Variants in ANKRD30A observed in about 807,000 individuals in gnomAD.
ANKRD30A encodes the protein ankyrin repeat domain-containing protein 30A.
Under a neutral mutation model 166.3 loss-of-function variants are expected in ANKRD30A, and 170 were observed. The ratio of observed to expected loss-of-function variants is 1.02; its 90% CI spans 0.90 to 1.16. The LOEUF (loss-of-function observed/expected upper bound fraction) is 1.16, where lower values mean the gene tolerates loss of function less well. Among genes scored for constraint, ANKRD30A ranks in the 50% most tolerant of loss-of-function variants. ANKRD30A has a pLI of 0.00. For missense variants in ANKRD30A, 1,630 were observed against 1,518.0 expected (o/e 1.07, Z -1.23); for synonymous variants, 564 against 508.9 (o/e 1.11, Z -1.46).
chr10:37,149,924 T>A, intron 11 of ANKRD30A, 75 bp downstream of exon 11: 1 of 1,572,670 alleles, frequency 6.4e-7, no homozygotes, highest in Middle Eastern at 2.1e-4. Context: ...CTATCCCCAA[T>A]GCTTTATTTT....
the ANKRD30A span, among the ~76,000 whole-genome samples, chr10:37,240,022 A>G: frequency 4.6e-5 from 7 of 152,112 alleles, no homozygotes; most frequent in Non-Finnish European, 8.8e-5. Context: ...AGATTTATTA[A>G]TTGGTTTCTA....
At chr10:37,228,829 G>C (rs1025559381) in intron 34 of ANKRD30A, among the ~76,000 whole-genome samples, 1 of 151,930 alleles carries the variant, frequency 6.6e-6, no homozygotes, top group Non-Finnish European at 1.5e-5. Context: ...AATTTCTACT[G>C]TGTAAGTTTT....
rs1188242971 is a variant in ANKRD30A, at chr10:37,130,267, T to C, written c.399T>C (p.Asn133=). ...NILIDSGADI[N]LVDVYGNTAL... is the part of the protein sequence containing the mutation. ...TGATAGATTCTGGTGCCGATATAAATCTCGTAGATGTGTATGGCAACACGG... is the reference window on the plus strand; with the variant it reads ...TGATAGATTCTGGTGCCGATATAAACCTCGTAGATGTGTATGGCAACACGG... Residue 133 remains asparagine (N), a synonymous_variant, in exon 3 of 36, where the codon AAT becomes AAC. Coordinates refer to ENST00000361713, the MANE Select transcript of ANKRD30A (RefSeq NM_052997.3). The C allele has an allele frequency of 6.2e-7, 1 of 1,604,268 alleles. No individual in the cohort carries two copies. The highest frequency in any genetic ancestry group is 8.5e-7 in the Non-Finnish European group (1 of 1,175,652).
At chr10:37,150,316 G>A (rs1459643570) in intron 11 of ANKRD30A, among the ~76,000 whole-genome samples, 1 of 151,926 alleles carries the variant, frequency 6.6e-6, no homozygotes, top group African/African-American at 2.4e-5. Flanking sequence ...TGAACTCTGT[G>A]TGTTTGTGTG....
At chr10:37,126,057 G>T in intron 1 of ANKRD30A, 49 bp downstream of exon 1, 1 of 1,573,022 alleles carries the variant, frequency 6.4e-7, no homozygotes, top group South Asian at 1.1e-5. Flanking sequence ...TGGGGGCGGT[G>T]GGAGGATCGC....
chr10:37,141,980 T>G lies in ANKRD30A; in HGVS notation c.1083T>G (p.Ile361Met). The change falls in exon 7 of 36, where the codon ATT becomes ATG. Residue 361 changes from isoleucine to methionine, a missense_variant. By Grantham distance (10) the Ile-to-Met change is conservative. Coordinates refer to ENST00000361713, the MANE Select transcript of ANKRD30A (RefSeq NM_052997.3). ...EQSAEETPRE[I>M]TSPAKETSEK... ...CAGCAGAAGAAACACCTAGGGAAAT[T>G]ACGAGTCCTGCAAAAGAAACATCTG... 5.0e-6 allele frequency: 8 copies of G among 1,614,108 alleles called. No individual in the cohort carries two copies. The highest frequency in any genetic ancestry group is 5.9e-6 in the Non-Finnish European group (7 of 1,180,012).
chr10:37,193,248 T>A lies in ANKRD30A; in HGVS notation c.2604T>A (p.Thr868=). ...CCTTAGAATTGATGGACATGCAAAC[T>A]TTCAAAGCAGGTAAATTTTGTAATT... ...TKALELMDMQ[T]FKAEPPEKPS... The change falls in exon 27 of 36, where the codon ACT becomes ACA. Residue 868 remains threonine (T), a synonymous_variant. Coordinates refer to ENST00000361713, the MANE Select transcript of ANKRD30A (RefSeq NM_052997.3). 1.2e-6 allele frequency: 2 copies of A among 1,609,264 alleles called. No individual in the cohort carries two copies. Among genetic ancestry groups the A allele is most frequent in the Non-Finnish European group, 1.7e-6 (2 of 1,178,440 alleles).
chr10:37,216,415 A>G (rs751276225), intron 32 of ANKRD30A, 21 bp downstream of exon 32: 1 of 1,563,648 alleles, frequency 6.4e-7, no homozygotes, highest in South Asian at 1.2e-5. Context: ...CTAGTTTTAA[A>G]TAAATATTTC....
intron 34 of ANKRD30A, among the ~76,000 whole-genome samples, chr10:37,223,900 A>C (rs116973307): frequency 0.02 from 3,055 of 151,310 alleles, 49 homozygotes; most frequent in Non-Finnish European, 0.032. Flanking sequence ...TCAAGAAATA[A>C]AGAAAAAATG....
intron 2 of ANKRD30A, 66 bp downstream of exon 2, chr10:37,130,073 T>C: frequency 8.0e-7 from 1 of 1,249,230 alleles, no homozygotes; most frequent in South Asian, 2.9e-5. Flanking sequence ...TAAAAATGAA[T>C]TTATCTCATT....
chr10:37,220,000 TA>T, intron 34 of ANKRD30A, 103 bp downstream of exon 34: 1 of 56,224 alleles, frequency 1.8e-5, no homozygotes, highest in Non-Finnish European at 3.7e-5. Context: ...TATATATATA[TA>T]TATATATATA....
At position 37,129,975 on chromosome 10, in the gene ANKRD30A, C is replaced by G. The variant is rs377486764; in HGVS notation, c.304C>G (p.Leu102Val). 4 of 1,577,038 alleles carry G rather than the reference C, an allele frequency of 2.5e-6. No homozygotes were observed. The highest frequency in any genetic ancestry group is 1.7e-5 in the Admixed American group (1 of 57,440). ...AGACAGAAAGTGCCAGCTTGACGTC[C>G]TTGATGGCGAACACAGGACACCTCT... is the stretch of plus-strand genomic sequence containing the variant. ...LVDRKCQLDV[L>V]DGEHRTPLMK... Residue 102 changes from leucine (L) to valine (V), a missense_variant, in exon 2 of 36, where the codon CTT becomes GTT. Physicochemically the swap from Leu to Val is conservative, Grantham distance 32. Coordinates refer to ENST00000361713, the MANE Select transcript of ANKRD30A (RefSeq NM_052997.3).
chr10:37,148,891 C>T (rs191741427), intron 9 of ANKRD30A, among the ~76,000 whole-genome samples: 18 of 152,078 alleles, frequency 1.2e-4, no homozygotes, highest in Non-Finnish European at 1.8e-4. Context: ...TAAAAAAATA[C>T]TGAATTTATA....
chr10:37,208,052 G>A (rs1842084043), intron 31 of ANKRD30A, among the ~76,000 whole-genome samples: 1 of 152,040 alleles, frequency 6.6e-6, no homozygotes, highest in African/African-American at 2.4e-5. Flanking sequence ...AGGAAGACAA[G>A]AGACTGCTTT....
chr10:37,136,811 G>C, intron 6 of ANKRD30A, 140 bp downstream of exon 6: 1 of 327,660 alleles, frequency 3.1e-6, no homozygotes, highest in Non-Finnish European at 5.7e-6. Flanking sequence ...GTGGGTGTGT[G>C]TATGTGTGTG....
rs1461709462 is a variant in ANKRD30A at position 37,152,139 on chromosome 10, T to A, written c.1707+18T>A. 5 of 1,529,858 alleles carry A rather than the reference T, an allele frequency of 3.3e-6. No individual in the cohort carries two copies. Among genetic ancestry groups the A allele is most frequent in the Non-Finnish European group, 4.5e-6 (5 of 1,117,464 alleles). The allele number at this position is 1,529,858 out of a possible 1,614,324, so 94.8% of individuals were successfully genotyped here. On this transcript the variant is annotated intron_variant, in intron 12 of 35. Coordinates refer to ENST00000361713, the MANE Select transcript of ANKRD30A (RefSeq NM_052997.3). ...ATTCTGAGGTACTATGTGTTATTGA[T>A]TTTTTTTTAATATTAGTATTGCATG...
chr10:37,240,915 C>T, the ANKRD30A span: 1 of 152,036 alleles, frequency 6.6e-6, no homozygotes, highest in Non-Finnish European at 1.5e-5. Context: ...CCTGTAATTC[C>T]AGTGTTTGTC....
At chr10:37,207,115 T>G (rs1296478385) in intron 31 of ANKRD30A, among the ~76,000 whole-genome samples, 2 of 152,112 alleles carry the variant, frequency 1.3e-5, no homozygotes, top group Non-Finnish European at 2.9e-5. Context: ...AGGCATAAAA[T>G]TACACCATGT....
At chr10:37,261,244 A>G in the ANKRD30A span, among the ~76,000 whole-genome samples, 1 of 152,158 alleles carries the variant, frequency 6.6e-6, no homozygotes, top group Admixed American at 6.5e-5. Flanking sequence ...CCTTGAAAAA[A>G]CAAGACAAGA....
Sources: gnomAD v4.1 joint callset for allele counts (sites outside exome capture counted in the v4.1 genomes callset) on GRCh38, gnomAD v4.1.1 for gene constraint, MANE v1.5 for transcripts, NCBI Gene and HGNC (gene_info 2026-07-23, HGNC 2026-07-21) for gene names.